Variants in FGGY observed in about 807,000 individuals in gnomAD.
FGGY encodes FGGY carbohydrate kinase domain-containing protein.
FGGY carries 72 observed loss-of-function variants against 71.3 expected under a neutral mutation model. That is an observed-to-expected ratio of 1.01 (90% CI 0.84 to 1.23). FGGY has a LOEUF of 1.23. Ranked by LOEUF, FGGY falls within the 50% of genes most tolerant of loss-of-function variation. FGGY has a pLI of 0.00. For missense variants in FGGY, 668 were observed against 682.3 expected (o/e 0.98, Z 0.23); for synonymous variants, 251 against 250.3 (o/e 1.00, Z -0.02).
At chr1:59,444,746 A>G (rs975447259) in intron 5 of FGGY, among the ~76,000 whole-genome samples, 3 of 152,178 alleles carry the variant, frequency 2.0e-5, no homozygotes, top group African/African-American at 7.2e-5. Flanking sequence ...CCTTATGAGA[A>G]TCTAATGCCT....
chr1:59,732,298 G>A (rs2098042440), intron 14 of FGGY, among the ~76,000 whole-genome samples: 1 of 152,088 alleles, frequency 6.6e-6, no homozygotes, highest in Non-Finnish European at 1.5e-5. Context: ...TGTATTTAGG[G>A]GAAAGTCCTT....
chr1:59,469,436 A>C (rs537710778), intron 6 of FGGY, among the ~76,000 whole-genome samples: 28 of 152,330 alleles, frequency 1.8e-4, no homozygotes, highest in African/African-American at 6.7e-4. Flanking sequence ...GCTTGGCTTT[A>C]TCAGAAGTGC....
At chr1:59,383,076 C>T (rs2059663311) in intron 5 of FGGY, among the ~76,000 whole-genome samples, 1 of 152,158 alleles carries the variant, frequency 6.6e-6, no homozygotes, top group Non-Finnish European at 1.5e-5. Flanking sequence ...CTTTGATTGT[C>T]ACTCTTTTTG....
chr1:59,547,545 G>A (rs959543799), intron 7 of FGGY, among the ~76,000 whole-genome samples: 5 of 152,102 alleles, frequency 3.3e-5, no homozygotes, highest in African/African-American at 1.2e-4. Context: ...GAAGTTGCTT[G>A]GAAAACTTTA....
chr1:59,630,907 C>T (rs1018796485), intron 10 of FGGY, among the ~76,000 whole-genome samples: 12 of 152,192 alleles, frequency 7.9e-5, no homozygotes, highest in African/African-American at 2.9e-4. Flanking sequence ...GGAGTTTCTC[C>T]AAAGCATCGC....
At chr1:59,513,314 C>T in intron 7 of FGGY, among the ~76,000 whole-genome samples, 1 of 152,222 alleles carries the variant, frequency 6.6e-6, no homozygotes, top group East Asian at 1.9e-4. Context: ...GTACATTTCA[C>T]AAAGTAAGGG....
intron 4 of FGGY, among the ~76,000 whole-genome samples, chr1:59,374,497 G>A (rs1456220947): frequency 1.4e-4 from 21 of 152,090 alleles, no homozygotes; most frequent in East Asian, 1.2e-3. Context: ...TCAGTGTGGC[G>A]ATTCCTCAGG....
intron 7 of FGGY, among the ~76,000 whole-genome samples, chr1:59,538,842 TTGTGGGG>T (rs2095386978): frequency 1.0e-5 from 1 of 100,046 alleles, no homozygotes. Context: ...TTGGGGACTG[TTGTGGGG>T]TGGGGGGAGG....
intron 8 of FGGY, among the ~76,000 whole-genome samples, chr1:59,601,838 G>A (rs1571951437): frequency 6.6e-6 from 1 of 152,222 alleles, no homozygotes; most frequent in African/African-American, 2.4e-5. Flanking sequence ...AATGTAAGAT[G>A]TTTTAGATAG....
intron 13 of FGGY, among the ~76,000 whole-genome samples, chr1:59,672,497 CAG>C (rs1238987981): frequency 4.6e-5 from 7 of 152,300 alleles, no homozygotes; most frequent in African/African-American, 1.4e-4. Flanking sequence ...TTACTGGACA[CAG>C]AGCTAGTGGA....
chr1:59,380,348 C>G (rs2059257701), intron 5 of FGGY, among the ~76,000 whole-genome samples: 1 of 151,288 alleles, frequency 6.6e-6, no homozygotes, highest in Admixed American at 6.6e-5. Context: ...ATTTCTAGTT[C>G]TAGATCCCTG....
intron 10 of FGGY, among the ~76,000 whole-genome samples, chr1:59,627,774 G>A (rs555325504): frequency 6.6e-6 from 1 of 152,016 alleles, no homozygotes; most frequent in South Asian, 2.1e-4. Context: ...TACTCAACAA[G>A]GAATTGTCAA....
intron 8 of FGGY, among the ~76,000 whole-genome samples, chr1:59,598,775 A>G (rs1209329449): frequency 1.3e-5 from 2 of 152,316 alleles, no homozygotes; most frequent in East Asian, 3.9e-4. Context: ...AGATAATATT[A>G]GATGTGTTTT....
At chr1:59,599,686 CA>C (rs76397509) in intron 8 of FGGY, among the ~76,000 whole-genome samples, 992 of 49,446 alleles carry the variant, frequency 0.02, 9 homozygotes, top group East Asian at 0.062. Flanking sequence ...GAGCAAGACT[CA>C]AAAAAAAAAA....
intron 6 of FGGY, among the ~76,000 whole-genome samples, chr1:59,502,817 G>C (rs2094267580): frequency 6.6e-6 from 1 of 152,172 alleles, no homozygotes; most frequent in Non-Finnish European, 1.5e-5. Context: ...TGAAGTTGAT[G>C]GTCTGTATGG....
In FGGY at chr1:59,409,596, T is replaced by TATATATATATA. The variant is rs1557833921; in HGVS notation, c.554+30759_554+30760insATATATATATA. Among the ~76,000 whole-genome samples, 329 of 83,876 alleles carry TATATATATATA rather than the reference T, an allele frequency of 3.9e-3. 2 individuals are homozygous for TATATATATATA. The highest frequency in any genetic ancestry group is 0.013 in the African/African-American group (320 of 24,886). 55.0% of individuals were successfully genotyped at this position (83,876 alleles called of 152,430 possible). A position where few individuals can be genotyped will look rare whatever the true frequency, so the allele number is the denominator to read the frequency against. Reference sequence around the variant, plus strand: ...ATTGCAAGCCTGTGAAGGAAGAGTTTTTTATATATATATATATATATATAT... The same window carrying TATATATATATA: ...ATTGCAAGCCTGTGAAGGAAGAGTTTATATATATATATTTATATATATATATATATATATAT... On this transcript the variant is annotated intron_variant, in intron 5 of 15. Transcript: ENST00000303721.
chr1:59,651,522 C>T (rs768677188), intron 11 of FGGY, among the ~76,000 whole-genome samples: 4,233 of 144,540 alleles, frequency 0.029, 119 homozygotes, highest in African/African-American at 0.079. Context: ...TTCTTTGTCT[C>T]TTTTGATCTT....
Position 59,532,883 on chromosome 1 carries a change from A to G in FGGY, c.799+20444A>G, listed in dbSNP as rs114794666. Among the ~76,000 whole-genome samples, 1,299 of 152,322 alleles carry G rather than the reference A, an allele frequency of 8.5e-3. 19 individuals are homozygous for G. The highest frequency in any genetic ancestry group is 0.03 in the African/African-American group (1,244 of 41,576). On this transcript the variant is annotated intron_variant, in intron 7 of 15. Transcript: ENST00000303721. ...TAGAATGTCAAAAGAATCTATAGAT[A>G]AAATATTAAAATTAATAAGTAATTT...
chr1:59,626,145 C>A (rs752115370), intron 10 of FGGY, 96 bp downstream of exon 10: 4 of 935,712 alleles, frequency 4.3e-6, no homozygotes, highest in Non-Finnish European at 6.7e-6. Context: ...ATCCTACAGA[C>A]AATGAAAATG....
Sources: allele counts gnomAD v4.1 joint callset (sites outside exome capture counted in the v4.1 genomes callset), GRCh38; gene constraint gnomAD v4.1.1; transcripts MANE v1.5; gene names NCBI Gene and HGNC (gene_info 2026-07-23, HGNC 2026-07-21).